Variants in B3GNT9 observed in about 807,000 individuals in gnomAD.
The protein encoded by B3GNT9 is UDP-GlcNAc:betaGal beta-1,3-N-acetylglucosaminyltransferase 9, also known as BGnT-9.
For missense variants in B3GNT9, 669 were observed against 599.2 expected, an observed-to-expected ratio of 1.12 and a Z score of -1.22; for synonymous variants, 359 against 283.9, an observed-to-expected ratio of 1.26 and a Z score of -2.66.
Position 67,150,120 on chromosome 16 carries a change from G to A in B3GNT9, c.366C>T (p.Val122=), listed in dbSNP as rs750215161. 2 of 1,496,194 alleles carry A rather than the reference G, an allele frequency of 1.3e-6. No individual in the cohort carries two copies. The highest frequency in any genetic ancestry group is 1.8e-6 in the Non-Finnish European group (2 of 1,124,966). 92.7% of individuals were successfully genotyped at this position (1,496,194 alleles called of 1,614,324 possible). The part of the protein sequence containing the change: ...PGGRPDLLIA[V]KSVAEDFERR... ...GCTCGAAGTCCTCTGCCACCGACTT[G>A]ACAGCAATAAGCAGGTCCGGGCGGC... is the stretch of plus-strand genomic sequence containing the variant. The change falls in exon 2 of 2, where the codon GTC becomes GTT. Residue 122 remains valine, a synonymous_variant. Coordinates refer to ENST00000449549, the MANE Select transcript of B3GNT9 (RefSeq NM_033309.3).
Position 67,149,664 on chromosome 16 carries a change from G to A in B3GNT9, c.822C>T (p.Pro274=), listed in dbSNP as rs778233853. The change falls in exon 2 of 2, where the codon CCC becomes CCT. Residue 274 remains proline, a synonymous_variant. Transcript: ENST00000449549. Reference sequence around the variant, plus strand: ...AGGCGGGCAGGCCGTACACGGCCTCGGGGATGTAGTACTTGCTAGCCCGCG... The same window carrying A: ...AGGCGGGCAGGCCGTACACGGCCTCAGGGATGTAGTACTTGCTAGCCCGCG... ...IRTRASKYYI[P]EAVYGLPAYP... 2.5e-6 allele frequency: 4 copies of A among 1,606,352 alleles called. No homozygotes were observed. Among genetic ancestry groups the A allele is most frequent in the East Asian group, 2.2e-5 (1 of 44,518 alleles).
Position 67,148,768 on chromosome 16 carries a change from C to T in B3GNT9, c.*509G>A, listed in dbSNP as rs1387942750. On this transcript the variant is annotated 3_prime_UTR_variant, in exon 2 of 2. Transcript: ENST00000449549. The stretch of plus-strand genomic sequence containing the variant: ...CTCCATCCCTGGTGCTCAGCCACAC[C>T]TGGGCCCAGGAGAGGTTGTGGGAAG... 6.5e-6 allele frequency: 1 copy of T among 152,688 alleles called. No individual in the cohort carries two copies. 9.5% of individuals were successfully genotyped at this position (152,688 alleles called of 1,614,324 possible). A position where few individuals can be genotyped will look rare whatever the true frequency, so the allele number is the denominator to read the frequency against.
At position 67,150,126 on chromosome 16, in the gene B3GNT9, A is replaced by T; in HGVS notation, c.360T>A (p.Ile120=). The T allele has an allele frequency of 6.6e-7, 1 of 1,511,484 alleles. No individual in the cohort carries two copies. The allele number at this position is 1,511,484 out of a possible 1,614,324, so 93.6% of individuals were successfully genotyped here. A position where few individuals can be genotyped will look rare whatever the true frequency, so the allele number is the denominator to read the frequency against. The change falls in exon 2 of 2, where the codon ATT becomes ATA. Residue 120 remains isoleucine (I), a synonymous_variant. Coordinates refer to ENST00000449549, the MANE Select transcript of B3GNT9 (RefSeq NM_033309.3). ...GAPGGRPDLL[I]AVKSVAEDFE... ...AGTCCTCTGCCACCGACTTGACAGC[A>T]ATAAGCAGGTCCGGGCGGCCACCGG...
chr16:67,150,060 C>A lies in B3GNT9; in HGVS notation c.426G>T (p.Glu142Asp). The change falls in exon 2 of 2, where the codon GAG (glutamate) becomes GAT (aspartate). Residue 142 changes from glutamate to aspartate, a missense_variant. Coordinates refer to ENST00000449549, the MANE Select transcript of B3GNT9 (RefSeq NM_033309.3). Reference protein sequence around the residue: ...RQAVRQTWGAEGRVQGALVRR... With the variant: ...RQAVRQTWGADGRVQGALVRR... ...GCACCAGCGCCCCCTGCACGCGACC[C>A]TCCGCGCCCCACGTCTGGCGCACGG... 6.8e-7 allele frequency: 1 copy of A among 1,479,508 alleles called. No homozygotes were observed. The highest frequency in any genetic ancestry group is 1.4e-5 in the South Asian group (1 of 72,998). 91.6% of individuals were successfully genotyped at this position (1,479,508 alleles called of 1,614,324 possible). A position where few individuals can be genotyped will look rare whatever the true frequency, so the allele number is the denominator to read the frequency against.
chr16:67,150,095 G>A lies in B3GNT9; in HGVS notation c.391C>T (p.Arg131Trp), dbSNP rs1320297327. The A allele has an allele frequency of 2.9e-5, 43 of 1,460,438 alleles. No individual in the cohort carries two copies. The highest frequency in any genetic ancestry group is 3.5e-5 in the Non-Finnish European group (39 of 1,108,080). The allele number at this position is 1,460,438 out of a possible 1,614,324, so 90.5% of individuals were successfully genotyped here. The stretch of plus-strand genomic sequence containing the variant: ...CACGTCTGGCGCACGGCTTGGCGCC[G>A]CTCGAAGTCCTCTGCCACCGACTTG... Reference protein sequence around the residue: ...AVKSVAEDFERRQAVRQTWGA... With the variant: ...AVKSVAEDFEWRQAVRQTWGA... The change falls in exon 2 of 2, where the codon CGG becomes TGG. Residue 131 changes from arginine (R) to tryptophan (W), a missense_variant. By Grantham distance (101) the Arg-to-Trp change is moderately radical. Coordinates refer to ENST00000449549, the MANE Select transcript of B3GNT9 (RefSeq NM_033309.3).
In B3GNT9 at chr16:67,150,246, TC is replaced by T; in HGVS notation, c.239del (p.Gly80AspfsTer125). On this transcript the variant is annotated frameshift_variant, in exon 2 of 2. Transcript: ENST00000449549. LOFTEE classifies it low-confidence loss of function (END_TRUNC). ...GDTPAPPTPT[G>X]PFDFARYLRA... ...GCAAATAGCGGGCGAAGTCAAAGGG[TC>T]CCGTAGGCGTGGGCGGCGCCGGTGT... The T allele has an allele frequency of 6.5e-7, 1 of 1,530,706 alleles. No individual in the cohort carries two copies. The highest frequency in any genetic ancestry group is 2.6e-5 in the East Asian group (1 of 37,904). The allele number at this position is 1,530,706 out of a possible 1,614,324, so 94.8% of individuals were successfully genotyped here.
rs1404824147 is a variant in B3GNT9, at chr16:67,149,188, G to C, written c.*89C>G. ...GATCCTGTGGAGACAGGCACCTGGT[G>C]ATCAGGGAAGAACCACATACACGGC... On this transcript the variant is annotated 3_prime_UTR_variant, in exon 2 of 2. Transcript: ENST00000449549. 1.4e-6 allele frequency: 2 copies of C among 1,459,640 alleles called. No individual in the cohort carries two copies. The highest frequency in any genetic ancestry group is 2.4e-4 in the Middle Eastern group (1 of 4,234). 90.4% of individuals were successfully genotyped at this position (1,459,640 alleles called of 1,614,324 possible).
Position 67,149,621 on chromosome 16 carries a change from C to G in B3GNT9, c.865G>C (p.Gly289Arg), listed in dbSNP as rs1266034156. ...GLPAYPAYAGGGGFVLSGATL... is the reference protein window; with the variant it reads ...GLPAYPAYAGRGGFVLSGATL... ...GCCCCGGAAAGCACAAAGCCACCGC[C>G]GCCCGCGTAGGCCGGATAGGCGGGC... The change falls in exon 2 of 2, where the codon GGC becomes CGC. Residue 289 changes from glycine to arginine, a missense_variant. Gly to Arg is a moderately radical substitution (Grantham distance 125). Coordinates refer to ENST00000449549, the MANE Select transcript of B3GNT9 (RefSeq NM_033309.3). 1.7e-5 allele frequency: 27 copies of G among 1,598,356 alleles called. No individual in the cohort carries two copies. The highest frequency in any genetic ancestry group is 2.7e-5 in the African/African-American group (2 of 74,610).
rs1374595728 is a variant in B3GNT9, at chr16:67,149,531, G to T, written c.955C>A (p.Leu319Met). 1 of 1,609,448 alleles carries T rather than the reference G, an allele frequency of 6.2e-7. No homozygotes were observed. The highest frequency in any genetic ancestry group is 1.1e-5 in the South Asian group (1 of 90,322). ...CGCAGGCGCTGCAGACACATGCCCA[G>T]AAAGACGTCGTCGATGGGGAAGAGC... Reference protein sequence around the residue: ...VELFPIDDVFLGMCLQRLRLT... With the variant: ...VELFPIDDVFMGMCLQRLRLT... Residue 319 changes from leucine to methionine, a missense_variant, in exon 2 of 2, where the codon CTG becomes ATG. Transcript: ENST00000449549.
chr16:67,150,475 C>T lies in B3GNT9; in HGVS notation c.11G>A (p.Arg4Lys). The T allele has an allele frequency of 3.8e-6, 5 of 1,317,400 alleles. No homozygotes were observed. The highest frequency in any genetic ancestry group is 3.9e-6 in the Non-Finnish European group (4 of 1,035,434). 81.6% of individuals were successfully genotyped at this position (1,317,400 alleles called of 1,614,324 possible). Reference sequence around the variant, plus strand: ...CAATGCGTCCCTGCGTAGGCGCAGCCTCCTCCTCATCTCCGCGCGGCCTGC... The same window carrying T: ...CAATGCGTCCCTGCGTAGGCGCAGCTTCCTCCTCATCTCCGCGCGGCCTGC... MRR[R>K]LRLRRDALLT... is the part of the protein sequence containing the mutation. The change falls in exon 2 of 2, where the codon AGG becomes AAG. Residue 4 changes from arginine to lysine, a missense_variant. Arg to Lys is a conservative substitution (Grantham distance 26). Transcript: ENST00000449549.
rs1256578997 is a variant in B3GNT9 at position 67,149,987 on chromosome 16, C to A, written c.499G>T (p.Ala167Ser). 3 of 1,536,734 alleles carry A rather than the reference C, an allele frequency of 2.0e-6. No homozygotes were observed. The South Asian group carries it at 3.6e-5, about 19-fold the overall frequency. Residue 167 changes from alanine (A) to serine (S), a missense_variant, in exon 2 of 2, where the codon GCC becomes TCC. Transcript: ENST00000449549. ...GVPRGAGSGGADEVGEGARTH... is the reference protein window; with the variant it reads ...GVPRGAGSGGSDEVGEGARTH... ...CGCGCGCCCTCCCCAACTTCGTCGG[C>A]CCCGCCCGAGCCTGCGCCCCTGGGC...
Position 67,150,518 on chromosome 16 carries a change from A to C in B3GNT9, c.-33T>G. The stretch of plus-strand genomic sequence containing the variant: ...CGGCCTGCGCCCTCCCTCCCCTGTA[A>C]GGGTCGCAGTCGGCAGCAGGGGGCA... On this transcript the variant is annotated 5_prime_UTR_variant, in exon 2 of 2. Transcript: ENST00000449549. 7.9e-7 allele frequency: 1 copy of C among 1,266,390 alleles called. No individual in the cohort carries two copies. Among genetic ancestry groups the C allele is most frequent in the Non-Finnish European group, 9.9e-7 (1 of 1,006,540 alleles). 78.4% of individuals were successfully genotyped at this position (1,266,390 alleles called of 1,614,324 possible).
rs1331730863 is a variant in B3GNT9, at chr16:67,148,930, G to A, written c.*347C>T. ...TCTGCATACGTCCGCGTCAGCCTAGGGGGTTCCAAATCCAGCAGAGTGGTA... is the reference window on the plus strand; with the variant it reads ...TCTGCATACGTCCGCGTCAGCCTAGAGGGTTCCAAATCCAGCAGAGTGGTA... On this transcript the variant is annotated 3_prime_UTR_variant, in exon 2 of 2. Transcript: ENST00000449549. 1 of 222,258 alleles carries A rather than the reference G, an allele frequency of 4.5e-6. No homozygotes were observed. The highest frequency in any genetic ancestry group is 5.7e-5 in the Admixed American group (1 of 17,578). The allele number at this position is 222,258 out of a possible 1,614,324, so 13.8% of individuals were successfully genotyped here. A position where few individuals can be genotyped will look rare whatever the true frequency, so the allele number is the denominator to read the frequency against.
Position 67,149,030 on chromosome 16 carries a change from C to G in B3GNT9, c.*247G>C. On this transcript the variant is annotated 3_prime_UTR_variant, in exon 2 of 2. Coordinates refer to ENST00000449549, the MANE Select transcript of B3GNT9 (RefSeq NM_033309.3). ...AGGAGGACCAGACATATCCACTGCT[C>G]TGGGACCTGTTGGACAAGAGATGGT... 3.0e-6 allele frequency: 2 copies of G among 672,202 alleles called. No individual in the cohort carries two copies. The highest frequency in any genetic ancestry group is 4.4e-6 in the Non-Finnish European group (2 of 452,092). 41.6% of individuals were successfully genotyped at this position (672,202 alleles called of 1,614,324 possible). A position where few individuals can be genotyped will look rare whatever the true frequency, so the allele number is the denominator to read the frequency against.
rs572136610 is a variant in B3GNT9, at chr16:67,149,732, G to A, written c.754C>T (p.Leu252=). 52 of 1,613,680 alleles carry A rather than the reference G, an allele frequency of 3.2e-5. No homozygotes were observed. The highest frequency in any genetic ancestry group is 2.0e-4 in the South Asian group (18 of 91,086). The change falls in exon 2 of 2, where the codon CTG becomes TTG. Residue 252 remains leucine, a synonymous_variant. Transcript: ENST00000449549. ...TGCACAATTACGTCACCAGCAAGCAGGTCTTGCGCCGGGTCCCGCGGCGCC... is the reference window on the plus strand; with the variant it reads ...TGCACAATTACGTCACCAGCAAGCAAGTCTTGCGCCGGGTCCCGCGGCGCC... ...FLAPRDPAQD[L]LAGDVIVHAR...
Position 67,149,523 on chromosome 16 carries a change from C to T in B3GNT9, c.963G>A (p.Met321Ile), listed in dbSNP as rs1377252411. The T allele has an allele frequency of 6.2e-7, 1 of 1,609,708 alleles. No individual in the cohort carries two copies. Among genetic ancestry groups the T allele is most frequent in the Non-Finnish European group, 8.5e-7 (1 of 1,178,204 alleles). Reference protein sequence around the residue: ...LFPIDDVFLGMCLQRLRLTPE... With the variant: ...LFPIDDVFLGICLQRLRLTPE... ...GCGTGAGCCGCAGGCGCTGCAGACA[C>T]ATGCCCAGAAAGACGTCGTCGATGG... The change falls in exon 2 of 2, where the codon ATG (methionine) becomes ATA (isoleucine). Residue 321 changes from methionine (M) to isoleucine (I), a missense_variant. By Grantham distance (10) the Met-to-Ile change is conservative. Coordinates refer to ENST00000449549, the MANE Select transcript of B3GNT9 (RefSeq NM_033309.3).
chr16:67,149,796 T>C lies in B3GNT9; in HGVS notation c.690A>G (p.Ala230=), dbSNP rs754052433. The C allele has an allele frequency of 2.9e-5, 47 of 1,613,740 alleles. No homozygotes were observed. The Admixed American group carries it at 4.5e-4, about 15-fold the overall frequency. The change falls in exon 2 of 2, where the codon GCA becomes GCG. Residue 230 remains alanine, a synonymous_variant. Transcript: ENST00000449549. ...GATTTCCCACGTTCACGAACACATC[T>C]GCGTCGCCCTTAAAAACGAAGCGCA... is the stretch of plus-strand genomic sequence containing the variant. ...PDVRFVFKGD[A]DVFVNVGNLL... is the part of the protein sequence containing the mutation.
In B3GNT9 at chr16:67,150,230, G is replaced by C. The variant is rs770202537; in HGVS notation, c.256C>G (p.Arg86Gly). Residue 86 changes from arginine to glycine, a missense_variant, in exon 2 of 2, where the codon CGC becomes GGC. Coordinates refer to ENST00000449549, the MANE Select transcript of B3GNT9 (RefSeq NM_033309.3). ...PTPTGPFDFA[R>G]YLRAKDQRRF... is the part of the protein sequence containing the mutation. ...CGCTGGTCCTTGGCGCGCAAATAGC[G>C]GGCGAAGTCAAAGGGTCCCGTAGGC... is the stretch of plus-strand genomic sequence containing the variant. 1.9e-6 allele frequency: 3 copies of C among 1,547,788 alleles called. No homozygotes were observed. The African/African-American group carries it at 4.3e-5, about 22-fold the overall frequency.
At position 67,149,125 on chromosome 16, in the gene B3GNT9, T is replaced by C; in HGVS notation, c.*152A>G. ...CGGGTTTCAACTGGTTCCAGCAGGG[T>C]GGACCGCCAGGAGCCAAGCTTAACC... On this transcript the variant is annotated 3_prime_UTR_variant, in exon 2 of 2. Coordinates refer to ENST00000449549, the MANE Select transcript of B3GNT9 (RefSeq NM_033309.3). 1.4e-6 allele frequency: 2 copies of C among 1,397,390 alleles called. No homozygotes were observed. The highest frequency in any genetic ancestry group is 1.7e-5 in the South Asian group (1 of 60,362). The allele number at this position is 1,397,390 out of a possible 1,614,324, so 86.6% of individuals were successfully genotyped here. A position where few individuals can be genotyped will look rare whatever the true frequency, so the allele number is the denominator to read the frequency against.
Sources: gnomAD v4.1 joint callset for allele counts on GRCh38, gnomAD v4.1.1 for gene constraint, MANE v1.5 for transcripts, NCBI Gene and HGNC (gene_info 2026-07-23, HGNC 2026-07-21) for gene names.